Variants in IL1RAPL1 observed in about 807,000 individuals in gnomAD.
IL1RAPL1 encodes the protein interleukin-1 receptor accessory protein-like 1.
IL1RAPL1 carries 3 observed loss-of-function variants against 48.4 expected under a neutral mutation model. The observed-to-expected ratio is 0.06, with a 90% confidence interval of 0.03 to 0.16. The LOEUF (loss-of-function observed/expected upper bound fraction) is 0.16, where lower values mean the gene tolerates loss of function less well. Among genes scored for constraint, IL1RAPL1 ranks in the 10% least tolerant of loss-of-function variants. The probability of loss-of-function intolerance (pLI) is 1.00; values close to 1 mark genes in which losing one functional copy is unlikely to be tolerated. For missense variants in IL1RAPL1, 349 were observed against 530.6 expected, an observed-to-expected ratio of 0.66 and a Z score of 3.36; for synonymous variants, 185 against 187.7, an observed-to-expected ratio of 0.99 and a Z score of 0.12.
intron 6 of IL1RAPL1, among the ~76,000 whole-genome samples, chrX:29,787,313 C>A (rs1939489958): frequency 9.0e-6 from 1 of 111,669 alleles, no homozygotes; most frequent in Non-Finnish European, 1.9e-5. Flanking sequence ...AAGCAAGAGA[C>A]CTGGCACAAT....
intron 2 of IL1RAPL1, among the ~76,000 whole-genome samples, chrX:28,792,560 G>A (rs192828790): frequency 0.018 from 1,885 of 105,612 alleles, 51 homozygotes; most frequent in African/African-American, 0.062. Flanking sequence ...GGCCGAGGCG[G>A]GCAGATCACG....
intron 5 of IL1RAPL1, among the ~76,000 whole-genome samples, chrX:29,532,342 T>C (rs1921070996): frequency 8.9e-6 from 1 of 112,101 alleles, no homozygotes; most frequent in Non-Finnish European, 1.9e-5. Flanking sequence ...TTATTTTGAT[T>C]GATGGAATTA....
intron 2 of IL1RAPL1, among the ~76,000 whole-genome samples, chrX:28,951,175 T>G: frequency 1.0e-5 from 1 of 99,337 alleles, no homozygotes; most frequent in African/African-American, 3.6e-5. Flanking sequence ...TAATGCTAGA[T>G]GACGAGTTAG....
rs560461790 is a variant in IL1RAPL1, at chrX:29,717,294, T to C, written c.778+48790T>C. On this transcript the variant is annotated intron_variant, in intron 6 of 10. Coordinates refer to ENST00000378993, the MANE Select transcript of IL1RAPL1 (RefSeq NM_014271.4). ...TGCAGTAAAGTCTGTCCTGATGGGA[T>C]GGACTCTGACAATATTATGAATGAG... Among the ~76,000 whole-genome samples, 95 of 110,098 alleles carry C rather than the reference T, an allele frequency of 8.6e-4. 1 individual carries two copies. In the South Asian group the frequency reaches 0.012, roughly 14 times the overall value.
intron 6 of IL1RAPL1, among the ~76,000 whole-genome samples, chrX:29,837,272 A>AAAAAATAT (rs1447926305): frequency 1.8e-4 from 13 of 72,120 alleles, no homozygotes; most frequent in African/African-American, 6.4e-4. Context: ...AAAAAAAAAA[A>AAAAAATAT]ATATATATAT....
intron 2 of IL1RAPL1, among the ~76,000 whole-genome samples, chrX:28,986,540 ATATT>A (rs1238277763): frequency 8.9e-6 from 1 of 112,159 alleles, no homozygotes; most frequent in Non-Finnish European, 1.9e-5. Flanking sequence ...TTATAAAAAT[ATATT>A]TATCAGTGTT....
At chrX:29,605,206 A>G (rs1391422135) in intron 5 of IL1RAPL1, among the ~76,000 whole-genome samples, 1 of 110,118 alleles carries the variant, frequency 9.1e-6, no homozygotes, top group African/African-American at 3.3e-5. Context: ...TTTGTATATT[A>G]TCAAAGGACA....
intron 5 of IL1RAPL1, among the ~76,000 whole-genome samples, chrX:29,532,653 A>G (rs891795634): frequency 2.7e-5 from 3 of 112,186 alleles, no homozygotes; most frequent in Non-Finnish European, 5.6e-5. Flanking sequence ...CAATAAATTC[A>G]TGAATCTGTC....
At chrX:29,469,122 A>C (rs989503939) in intron 5 of IL1RAPL1, among the ~76,000 whole-genome samples, 19 of 112,045 alleles carry the variant, frequency 1.7e-4, no homozygotes, top group African/African-American at 6.2e-4. Context: ...CTTGTGCCAA[A>C]TTTTCTTTTC....
chrX:28,761,708 G>A (rs1408356135), intron 1 of IL1RAPL1, among the ~76,000 whole-genome samples: 1 of 111,713 alleles, frequency 9.0e-6, no homozygotes, highest in Non-Finnish European at 1.9e-5. Context: ...ATGTGCTCAT[G>A]TAACAAACTT....
chrX:29,616,408 C>T (rs188097864), intron 5 of IL1RAPL1, among the ~76,000 whole-genome samples: 2 of 107,836 alleles, frequency 1.9e-5, no homozygotes, highest in African/African-American at 3.4e-5. Context: ...ATACATGTGC[C>T]GTGTTCGTGT....
intron 2 of IL1RAPL1, among the ~76,000 whole-genome samples, chrX:28,997,390 G>A (rs756125867): frequency 9.0e-6 from 1 of 111,652 alleles, no homozygotes; most frequent in African/African-American, 3.3e-5. Flanking sequence ...GATATTCAGT[G>A]TATAGTTTTC....
chrX:29,358,757 G>T (rs749979792), intron 3 of IL1RAPL1, among the ~76,000 whole-genome samples: 1 of 110,814 alleles, frequency 9.0e-6, no homozygotes, highest in Non-Finnish European at 1.9e-5. Flanking sequence ...GGTGGCTCAC[G>T]CCTGTAATCT....
rs142430219 is a variant in IL1RAPL1 at position 28,984,677 on chromosome X, C to T, written c.82+195252C>T. Among the ~76,000 whole-genome samples, 664 of 111,178 alleles carry T rather than the reference C, an allele frequency of 6.0e-3. 8 individuals are homozygous for T. Among genetic ancestry groups the T allele is most frequent in the African/African-American group, 0.021 (647 of 30,572 alleles). ...CTTCTCTACACCTTTTAAGATCTGT[C>T]TCTTTATCCATTATCCCCACACATC... On this transcript the variant is annotated intron_variant, in intron 2 of 10. Transcript: ENST00000378993.
chrX:28,819,711 T>C (rs892198858), intron 2 of IL1RAPL1, among the ~76,000 whole-genome samples: 2 of 108,504 alleles, frequency 1.8e-5, no homozygotes, highest in African/African-American at 6.6e-5. Context: ...AAGATCAGAA[T>C]TGTTCCAGAA....
intron 3 of IL1RAPL1, among the ~76,000 whole-genome samples, chrX:29,360,703 C>G (rs1933364453): frequency 9.0e-6 from 1 of 111,419 alleles, no homozygotes; most frequent in African/African-American, 3.3e-5. Context: ...TTGAGTTTAC[C>G]AAGTTAAGCA....
chrX:29,294,746 G>A (rs1215830991), intron 3 of IL1RAPL1, among the ~76,000 whole-genome samples: 1 of 110,737 alleles, frequency 9.0e-6, no homozygotes, highest in African/African-American at 3.3e-5. Context: ...AAAATGCCTT[G>A]CAGCTGTCAA....
chrX:29,120,428 T>C (rs1928759856), intron 2 of IL1RAPL1, among the ~76,000 whole-genome samples: 1 of 111,856 alleles, frequency 8.9e-6, no homozygotes, highest in Admixed American at 9.6e-5. Flanking sequence ...TTTGCTGATT[T>C]GGTCTAAGAT....
At chrX:29,167,534 T>C (rs1179921366) in intron 2 of IL1RAPL1, among the ~76,000 whole-genome samples, 1 of 110,642 alleles carries the variant, frequency 9.0e-6, no homozygotes, top group Non-Finnish European at 1.9e-5. Context: ...AAAATTGCTC[T>C]GCCATAGTTT....
Sources: allele counts gnomAD v4.1 joint callset (sites outside exome capture counted in the v4.1 genomes callset), GRCh38; gene constraint gnomAD v4.1.1; transcripts MANE v1.5; gene names NCBI Gene and HGNC (gene_info 2026-07-23, HGNC 2026-07-21).